OR8D4: variants seen among roughly 807,000 people sequenced by gnomAD.
OR8D4 encodes olfactory receptor family 8 subfamily D member 4.
For missense variants in OR8D4, 359 were observed against 372.6 expected (o/e 0.96, Z 0.30); for synonymous variants, 141 against 134.8 (o/e 1.05, Z -0.32).
chr11:123,908,876 G>A lies in OR8D4; in HGVS notation c.*1500G>A, dbSNP rs1350688254. 6.6e-6 allele frequency: 1 copy of A among 152,112 alleles called. No individual in the cohort carries two copies. 9.4% of individuals were successfully genotyped at this position (152,112 alleles called of 1,614,324 possible). ...GTATGGCAGACGGTCAGTGAGAGAG[G>A]GAGAAAAGGAACCAAAGGAGGTTGG... On this transcript the variant is annotated 3_prime_UTR_variant, in exon 2 of 2. Transcript: ENST00000641687.
intron 1 of OR8D4, among the ~76,000 whole-genome samples, chr11:123,903,692 G>A (rs1863178661): frequency 1.3e-5 from 2 of 152,094 alleles, no homozygotes; most frequent in Non-Finnish European, 2.9e-5. Context: ...GGTTATCATT[G>A]CTTACTTTTG....
At chr11:123,902,916 T>C (rs1863172255) in intron 1 of OR8D4, among the ~76,000 whole-genome samples, 1 of 152,138 alleles carries the variant, frequency 6.6e-6, no homozygotes, top group Non-Finnish European at 1.5e-5. Flanking sequence ...GTAAAATATC[T>C]CATTATTTTT....
chr11:123,902,482 C>T (rs1863168185), intron 1 of OR8D4, among the ~76,000 whole-genome samples: 1 of 152,008 alleles, frequency 6.6e-6, no homozygotes, highest in African/African-American at 2.4e-5. Context: ...TGTGAAATCA[C>T]CTGCTTTAAA....
chr11:123,904,034 C>T (rs1863181224), intron 1 of OR8D4, among the ~76,000 whole-genome samples: 1 of 152,140 alleles, frequency 6.6e-6, no homozygotes, highest in Admixed American at 6.6e-5. Context: ...TAGCGCCTCT[C>T]AAATGTTAAT....
chr11:123,905,101 A>G (rs2137492080), intron 1 of OR8D4, among the ~76,000 whole-genome samples: 1 of 152,292 alleles, frequency 6.6e-6, no homozygotes, highest in Admixed American at 6.5e-5. Flanking sequence ...CTAGTGTGTT[A>G]TATTGGACTC....
At chr11:123,904,813 T>A (rs1420958006) in intron 1 of OR8D4, among the ~76,000 whole-genome samples, 1 of 152,142 alleles carries the variant, frequency 6.6e-6, no homozygotes, top group Non-Finnish European at 1.5e-5. Context: ...ATTACAGCAG[T>A]AATATATTGG....
At position 123,907,795 on chromosome 11, in the gene OR8D4, A is replaced by G. The variant is rs1863218428; in HGVS notation, c.*419A>G. On this transcript the variant is annotated 3_prime_UTR_variant, in exon 2 of 2. Coordinates refer to ENST00000641687, the MANE Select transcript of OR8D4 (RefSeq NM_001005197.2). ...GTAATTTGAAATCAGATGAAATTAT[A>G]TATATTTAGATTAGTAAATATATGC... The G allele has an allele frequency of 6.6e-6, 1 of 151,716 alleles. No homozygotes were observed. Among genetic ancestry groups the G allele is most frequent in the African/African-American group, 2.4e-5 (1 of 41,314 alleles). 9.4% of individuals were successfully genotyped at this position (151,716 alleles called of 1,614,324 possible). A position where few individuals can be genotyped will look rare whatever the true frequency, so the allele number is the denominator to read the frequency against.
intron 1 of OR8D4, among the ~76,000 whole-genome samples, chr11:123,903,689 A>G (rs1372514693): frequency 3.3e-5 from 5 of 152,134 alleles, no homozygotes; most frequent in African/African-American, 1.2e-4. Context: ...GCTGGTTATC[A>G]TTGCTTACTT....
rs1433925798 is a variant in OR8D4, at chr11:123,906,731, G to A, written c.300G>A (p.Gln100=). ...RSISYSGCMI[Q]LFFFCVCVIS... ...TCTCCTATTCTGGATGCATGATTCA[G>A]CTGTTTTTTTTCTGTGTTTGTGTTA... Residue 100 remains glutamine, a synonymous_variant, in exon 2 of 2, where the codon CAG becomes CAA. Transcript: ENST00000641687. The A allele has an allele frequency of 1.2e-6, 2 of 1,613,810 alleles. No homozygotes were observed. Among genetic ancestry groups the A allele is most frequent in the South Asian group, 2.2e-5 (2 of 91,074 alleles).
chr11:123,906,734 G>GT lies in OR8D4; in HGVS notation c.311dup (p.Cys105LeufsTer7), dbSNP rs74740497. 5,344 of 1,612,178 alleles carry GT rather than the reference G, an allele frequency of 3.3e-3. 129 individuals carry two copies. In the African/African-American group the frequency reaches 0.059, roughly 18 times the overall value. ...CCTATTCTGGATGCATGATTCAGCT[G>GT]TTTTTTTTCTGTGTTTGTGTTATTT... On this transcript the variant is annotated frameshift_variant, in exon 2 of 2. Coordinates refer to ENST00000641687, the MANE Select transcript of OR8D4 (RefSeq NM_001005197.2). LOFTEE classifies it low-confidence loss of function (END_TRUNC).
At position 123,907,110 on chromosome 11, in the gene OR8D4, C is replaced by G; in HGVS notation, c.679C>G (p.Arg227Gly). The change falls in exon 2 of 2, where the codon CGC becomes GGC. Residue 227 changes from arginine (R) to glycine (G), a missense_variant. Transcript: ENST00000641687. ...SYAFILTSIL[R>G]IHSKKGRCKA... ...TGCTTTTATCCTCACCAGCATCCTG[C>G]GCATCCACTCTAAAAAGGGCAGGTG... 2 of 1,613,942 alleles carry G rather than the reference C, an allele frequency of 1.2e-6. No homozygotes were observed. The highest frequency in any genetic ancestry group is 1.7e-6 in the Non-Finnish European group (2 of 1,179,940).
At position 123,907,961 on chromosome 11, in the gene OR8D4, AAATCAT is replaced by A. The variant is rs1863220186; in HGVS notation, c.*586_*591del. 6.6e-6 allele frequency: 1 copy of A among 152,130 alleles called. No homozygotes were observed. The highest frequency in any genetic ancestry group is 2.4e-5 in the African/African-American group (1 of 41,434). The allele number at this position is 152,130 out of a possible 1,614,324, so 9.4% of individuals were successfully genotyped here. On this transcript the variant is annotated 3_prime_UTR_variant, in exon 2 of 2. Transcript: ENST00000641687. ...GTTTCCTGAATCCAAGCCCAAAAGG[AAATCAT>A]CATCATGGTGTACTGCATAGTCATA...
At chr11:123,903,494 T>C (rs1299873759) in intron 1 of OR8D4, among the ~76,000 whole-genome samples, 2 of 152,186 alleles carry the variant, frequency 1.3e-5, no homozygotes, top group Non-Finnish European at 2.9e-5. Flanking sequence ...TTAATAATAC[T>C]GTGAGATGCA....
intron 1 of OR8D4, 65 bp from the exon 2 acceptor site, chr11:123,906,352 T>G: frequency 2.0e-6 from 2 of 978,776 alleles, no homozygotes; most frequent in Non-Finnish European, 3.0e-6. Context: ...GAGAAAACAC[T>G]GATATTTGTT....
chr11:123,902,413 A>G (rs556823222), intron 1 of OR8D4, among the ~76,000 whole-genome samples, 156 bp downstream of exon 1: 25 of 152,282 alleles, frequency 1.6e-4, no homozygotes, highest in Admixed American at 4.6e-4. Flanking sequence ...TCTCAGACTC[A>G]TTTATGCATT....
rs748180717 is a variant in OR8D4 at position 123,906,292 on chromosome 11, T to G, written c.-15-125T>G. 3 of 604,916 alleles carry G rather than the reference T, an allele frequency of 5.0e-6. No homozygotes were observed. The African/African-American group carries it at 5.6e-5, about 11-fold the overall frequency. The allele number at this position is 604,916 out of a possible 1,614,324, so 37.5% of individuals were successfully genotyped here. A position where few individuals can be genotyped will look rare whatever the true frequency, so the allele number is the denominator to read the frequency against. On this transcript the variant is annotated intron_variant, in intron 1 of 1. Transcript: ENST00000641687. ...AGATGCTTACCGACTCCATTTCATC[T>G]GAGTGTTCACTTTTTGGTTTTCGTA...
chr11:123,906,424 A>C lies in OR8D4; in HGVS notation c.-8A>C, dbSNP rs767844571. 1 of 1,559,388 alleles carries C rather than the reference A, an allele frequency of 6.4e-7. No homozygotes were observed. Among genetic ancestry groups the C allele is most frequent in the Non-Finnish European group, 8.7e-7 (1 of 1,147,746 alleles). ...TCTCTCTCATCTCCACAGATTTCTC[A>C]GAGAAGAATGGGTGTAAAAAACCAT... On this transcript the variant is annotated 5_prime_UTR_variant, in exon 2 of 2. Coordinates refer to ENST00000641687, the MANE Select transcript of OR8D4 (RefSeq NM_001005197.2).
At position 123,907,305 on chromosome 11, in the gene OR8D4, C is replaced by A. The variant is rs573839478; in HGVS notation, c.874C>A (p.Leu292Met). Residue 292 changes from leucine (L) to methionine (M), a missense_variant, in exon 2 of 2, where the codon CTG becomes ATG. Leu to Met is a conservative substitution (Grantham distance 15). Transcript: ENST00000641687. ...ILMLNPLIYS[L>M]RNNEVRNALM... ...CATGTTGAATCCCTTGATATATAGT[C>A]TGAGGAACAATGAAGTAAGAAATGC... 1.3e-6 allele frequency: 2 copies of A among 1,578,214 alleles called. No individual in the cohort carries two copies. The highest frequency in any genetic ancestry group is 2.7e-5 in the African/African-American group (2 of 73,926).
intron 1 of OR8D4, among the ~76,000 whole-genome samples, chr11:123,902,826 A>G (rs1282808110): frequency 6.6e-6 from 1 of 152,202 alleles, no homozygotes; most frequent in Non-Finnish European, 1.5e-5. Context: ...GCCACTAGCC[A>G]TAGGTGGCTA....
Sources: gnomAD v4.1 joint callset for allele counts (sites outside exome capture counted in the v4.1 genomes callset) on GRCh38, gnomAD v4.1.1 for gene constraint, MANE v1.5 for transcripts, NCBI Gene and HGNC (gene_info 2026-07-23, HGNC 2026-07-21) for gene names.